The following RIMBP2 variants were observed in gnomAD, a reference collection of about 807,000 sequenced individuals.
The protein encoded by RIMBP2 is RIMS binding protein 2.
RIMBP2 carries 48 observed loss-of-function variants against 118.6 expected under a neutral mutation model. The ratio of observed to expected loss-of-function variants is 0.40; its 90% CI spans 0.32 to 0.51. The LOEUF (loss-of-function observed/expected upper bound fraction) is 0.51. Ranked by LOEUF, RIMBP2 falls within the 20% of genes least tolerant of loss-of-function variation. The pLI is 0.41. For synonymous variants in RIMBP2, 762 were observed against 742.9 expected, an observed-to-expected ratio of 1.03 and a Z score of -0.42; for missense variants, 1,551 against 1,768.3, an observed-to-expected ratio of 0.88 and a Z score of 2.20.
chr12:130,679,117 C>T (rs2064646630), intron 1 of RIMBP2, among the ~76,000 whole-genome samples: 1 of 151,714 alleles, frequency 6.6e-6, no homozygotes, highest in African/African-American at 2.4e-5. Flanking sequence ...CAACAACAAC[C>T]AAAAAAAAGA....
chr12:130,715,388 G>A (rs1593066080), intron 1 of RIMBP2, among the ~76,000 whole-genome samples: 1 of 152,194 alleles, frequency 6.6e-6, no homozygotes, highest in East Asian at 1.9e-4. Context: ...CTCAGCCAGC[G>A]TGCGCTCCCC....
chr12:130,541,396 G>A (rs1215625258), intron 2 of RIMBP2, among the ~76,000 whole-genome samples: 1 of 152,160 alleles, frequency 6.6e-6, no homozygotes, highest in East Asian at 1.9e-4. Context: ...CTGATGCTGA[G>A]GCATTTTGGA....
chr12:130,674,832 G>A (rs998791405), intron 1 of RIMBP2, among the ~76,000 whole-genome samples: 7 of 151,932 alleles, frequency 4.6e-5, no homozygotes, highest in South Asian at 2.1e-4. Flanking sequence ...TCGCCTGCTC[G>A]GGACGGGTCG....
Position 130,451,134 on chromosome 12 carries a change from C to T in RIMBP2, c.504+61G>A, listed in dbSNP as rs915106876. 54 of 1,557,252 alleles carry T rather than the reference C, an allele frequency of 3.5e-5. No individual in the cohort carries two copies. The African/African-American group carries it at 4.8e-4, about 14-fold the overall frequency. ...AGAAAAAACAGGACAAACTGGCCAA[C>T]GTCCACACCAGACACACACAGCACA... is the stretch of plus-strand genomic sequence containing the variant. On this transcript the variant is annotated intron_variant, in intron 8 of 22. Transcript: ENST00000690449.
At chr12:130,645,472 G>C (rs1369022143) in intron 1 of RIMBP2, among the ~76,000 whole-genome samples, 4 of 152,228 alleles carry the variant, frequency 2.6e-5, no homozygotes, top group South Asian at 2.1e-4. Flanking sequence ...GGCTGGATGT[G>C]ATATCGGGTT....
intron 1 of RIMBP2, among the ~76,000 whole-genome samples, chr12:130,712,572 T>C (rs1950000160): frequency 6.6e-6 from 1 of 152,320 alleles, no homozygotes; most frequent in East Asian, 1.9e-4. Context: ...ACGATGGCCA[T>C]GCCTGCTGTC....
chr12:130,626,535 T>C (rs1594090950), intron 2 of RIMBP2, among the ~76,000 whole-genome samples: 1 of 150,464 alleles, frequency 6.6e-6, no homozygotes, highest in East Asian at 2.1e-4. Context: ...CACCATCTTC[T>C]CCATTACCAT....
chr12:130,613,248 G>A (rs1460661806), intron 2 of RIMBP2, among the ~76,000 whole-genome samples: 1 of 152,200 alleles, frequency 6.6e-6, no homozygotes, highest in Non-Finnish European at 1.5e-5. Flanking sequence ...GGCAGGGGAC[G>A]CCGCCCCCAG....
chr12:130,665,621 C>G (rs1476098110), intron 1 of RIMBP2, among the ~76,000 whole-genome samples: 4 of 151,790 alleles, frequency 2.6e-5, no homozygotes, highest in Non-Finnish European at 5.9e-5. Context: ...TTCTGTAAAA[C>G]TACTGTCCTT....
chr12:130,497,577 A>C (rs569633741), intron 4 of RIMBP2, among the ~76,000 whole-genome samples: 20 of 152,354 alleles, frequency 1.3e-4, no homozygotes, highest in African/African-American at 4.8e-4. Flanking sequence ...CACCGGTTGC[A>C]GTCCCTTTAC....
intron 4 of RIMBP2, among the ~76,000 whole-genome samples, chr12:130,503,403 AAAACAAAAAAC>A: frequency 1.1e-5 from 1 of 89,088 alleles, no homozygotes; most frequent in Non-Finnish European, 2.8e-5. Flanking sequence ...CTAAAAAGAA[AAAACAAAAAAC>A]AAAAAAAACA....
chr12:130,438,335 A>AGCCCCCCCCC, intron 12 of RIMBP2, 30 bp downstream of exon 12: 7 of 865,004 alleles, frequency 8.1e-6, no homozygotes, highest in Admixed American at 1.8e-5. Context: ...GGCCTAACAA[A>AGCCCCCCCCC]CCCTCCCCAC....
At chr12:130,402,901 C>T (rs994729862) in intron 21 of RIMBP2, among the ~76,000 whole-genome samples, 1 of 152,166 alleles carries the variant, frequency 6.6e-6, no homozygotes, top group Admixed American at 6.5e-5. Flanking sequence ...ATAGCAAGAA[C>T]AGCACACGCT....
At chr12:130,594,868 G>A (rs1224772683) in intron 2 of RIMBP2, among the ~76,000 whole-genome samples, 2 of 152,168 alleles carry the variant, frequency 1.3e-5, no homozygotes, top group African/African-American at 2.4e-5. Flanking sequence ...TCAATTTGGG[G>A]TGGGATGAGA....
chr12:130,489,279 C>T (rs908881058), intron 4 of RIMBP2, among the ~76,000 whole-genome samples: 1 of 152,148 alleles, frequency 6.6e-6, no homozygotes, highest in African/African-American at 2.4e-5. Context: ...TGTGTGTGTA[C>T]GCCTGGATGA....
chr12:130,646,382 ACCACC>A lies in RIMBP2; in HGVS notation c.-351-17931_-351-17927del, dbSNP rs1566423333. 7.7e-4 allele frequency among the ~76,000 whole-genome samples: 35 copies of A among 45,566 alleles called. 13 individuals carry two copies. The highest frequency in any genetic ancestry group is 4.1e-3 in the African/African-American group (31 of 7,550). The allele number at this position is 45,566 out of a possible 152,430, so 29.9% of individuals were successfully genotyped here. On this transcript the variant is annotated intron_variant, in intron 1 of 22. Coordinates refer to ENST00000690449, the MANE Select transcript of RIMBP2 (RefSeq NM_001393629.1). ...CACCACCTCCCTCACCACCTCCCTCACCACCTCCCTCACCACCTGCCTCTCCACCT... is the reference window on the plus strand; with the variant it reads ...CACCACCTCCCTCACCACCTCCCTCATCCCTCACCACCTGCCTCTCCACCT...
intron 2 of RIMBP2, among the ~76,000 whole-genome samples, chr12:130,592,790 G>A (rs903605777): frequency 1.3e-5 from 2 of 152,300 alleles, no homozygotes; most frequent in African/African-American, 4.8e-5. Context: ...TGAGAAGAGC[G>A]TTTCGCCCAG....
intron 2 of RIMBP2, among the ~76,000 whole-genome samples, chr12:130,563,337 G>T (rs1251886443): frequency 6.6e-6 from 1 of 152,242 alleles, no homozygotes. Flanking sequence ...TGGAAGTCCA[G>T]TGATTAACCT....
At chr12:130,505,018 C>G (rs569665863) in intron 4 of RIMBP2, among the ~76,000 whole-genome samples, 7 of 152,320 alleles carry the variant, frequency 4.6e-5, no homozygotes, top group African/African-American at 1.4e-4. Flanking sequence ...ATTAAATTCA[C>G]TAAGCCCTGA....
Sources: gnomAD v4.1 joint callset for allele counts (sites outside exome capture counted in the v4.1 genomes callset) on GRCh38, gnomAD v4.1.1 for gene constraint, MANE v1.5 for transcripts, NCBI Gene and HGNC (gene_info 2026-07-23, HGNC 2026-07-21) for gene names.